KIF11: variants seen among roughly 807,000 people sequenced by gnomAD.
KIF11 encodes kinesin family member 11, also known as kinesin-like protein KIF11.
In KIF11, 9 loss-of-function variants were observed where a neutral mutation model predicts 121.0. The observed-to-expected ratio is 0.07, with a 90% CI of 0.04 to 0.13. KIF11 has a LOEUF of 0.13. Ranked by LOEUF, KIF11 falls within the 10% of genes least tolerant of loss-of-function variation. KIF11 has a pLI of 1.00. For synonymous variants in KIF11, 408 were observed against 421.0 expected, an observed-to-expected ratio of 0.97 and a Z score of 0.38; for missense variants, 846 against 1,217.5, an observed-to-expected ratio of 0.69 and a Z score of 4.54.
intron 1 of KIF11, chr10:92,597,079 C>T: frequency 2.7e-6 from 1 of 368,204 alleles, no homozygotes; most frequent in Non-Finnish European, 5.4e-6. Context: ...TTTCTTGATT[C>T]ACACTCCTGC....
chr10:92,639,278 G>A (rs1270627669), intron 16 of KIF11, among the ~76,000 whole-genome samples: 1 of 152,152 alleles, frequency 6.6e-6, no homozygotes, highest in Non-Finnish European at 1.5e-5. Context: ...AGTAAAGTTT[G>A]CTAATTATTT....
intron 1 of KIF11, among the ~76,000 whole-genome samples, chr10:92,598,134 C>G (rs1844321949): frequency 6.6e-6 from 1 of 152,004 alleles, no homozygotes. Flanking sequence ...TGTTTTTGTT[C>G]CCTGTATCTT....
chr10:92,601,822 A>G (rs773455920), intron 1 of KIF11, among the ~76,000 whole-genome samples: 4 of 151,872 alleles, frequency 2.6e-5, no homozygotes, highest in Non-Finnish European at 5.9e-5. Context: ...GATTACAGGC[A>G]TGAACCACTG....
In KIF11 at chr10:92,622,769, A is replaced by C. The variant is rs1387376330; in HGVS notation, c.1217+1296A>C. 4.6e-5 allele frequency among the ~76,000 whole-genome samples: 7 copies of C among 152,186 alleles called. No individual in the cohort carries two copies. The East Asian group carries it at 1.3e-3, about 29-fold the overall frequency. On this transcript the variant is annotated intron_variant, in intron 10 of 21. Transcript: ENST00000260731. ...CTGAGACTGGGTAATTTATAAAGAA[A>C]AGAGGTTTAATTGGCTCACAGTTCC...
At chr10:92,617,215 T>C (rs1265477859) in intron 9 of KIF11, among the ~76,000 whole-genome samples, 3 of 152,252 alleles carry the variant, frequency 2.0e-5, no homozygotes, top group Non-Finnish European at 4.4e-5. Context: ...AAATTTGTTA[T>C]CACTATCCAG....
chr10:92,620,613 C>G (rs947887409), intron 9 of KIF11, among the ~76,000 whole-genome samples: 6 of 152,112 alleles, frequency 3.9e-5, no homozygotes, highest in Non-Finnish European at 7.3e-5. Flanking sequence ...AAGACATACC[C>G]GAGACTGGGC....
At chr10:92,621,073 A>G (rs150829105) in intron 9 of KIF11, among the ~76,000 whole-genome samples, 30 of 152,332 alleles carry the variant, frequency 2.0e-4, no homozygotes, top group Non-Finnish European at 1.8e-4. Flanking sequence ...CAGTCCTGGA[A>G]TCAGATGCTT....
intron 21 of KIF11, among the ~76,000 whole-genome samples, chr10:92,651,549 A>G (rs1469534454): frequency 5.0e-5 from 1 of 19,988 alleles, no homozygotes; most frequent in Non-Finnish European, 1.5e-4. Context: ...TTTTTTTTTT[A>G]GTAGAGGGGG....
At chr10:92,644,046 T>C (rs1844895029) in intron 17 of KIF11, among the ~76,000 whole-genome samples, 1 of 152,178 alleles carries the variant, frequency 6.6e-6, no homozygotes, top group Non-Finnish European at 1.5e-5. Flanking sequence ...GGCCATTCCA[T>C]AGCCGTGGAG....
At chr10:92,632,786 A>G in intron 13 of KIF11, 93 bp downstream of exon 13, 1 of 684,894 alleles carries the variant, frequency 1.5e-6, no homozygotes, top group Non-Finnish European at 2.4e-6. Flanking sequence ...TGACGGTGTC[A>G]CCAATACTCT....
chr10:92,639,966 TTAAA>T (rs1844847412), intron 17 of KIF11, 66 bp downstream of exon 17: 2 of 832,362 alleles, frequency 2.4e-6, no homozygotes, highest in Admixed American at 2.3e-5. Flanking sequence ...AGAAAAAGCT[TTAAA>T]TAGTACAAAT....
chr10:92,597,182 A>G, intron 1 of KIF11: 1 of 271,476 alleles, frequency 3.7e-6, no homozygotes, highest in Non-Finnish European at 7.4e-6. Flanking sequence ...GGATCTGACA[A>G]TGTATTTGAC....
chr10:92,635,448 A>T (rs1452774139), intron 14 of KIF11, among the ~76,000 whole-genome samples: 1 of 152,214 alleles, frequency 6.6e-6, no homozygotes, highest in East Asian at 1.9e-4. Flanking sequence ...TATAAAGGTT[A>T]TGTTGACCAG....
rs573358022 is a variant in KIF11 at position 92,633,294 on chromosome 10, GT to G, written c.1703-319del. On this transcript the variant is annotated intron_variant, in intron 13 of 21. Coordinates refer to ENST00000260731, the MANE Select transcript of KIF11 (RefSeq NM_004523.4). ...CTATACTTTTTGGTATTGATTTCCA[GT>G]TTTTTTTTTCTTCTGTAAACTTACC... 4.1e-5 allele frequency among the ~76,000 whole-genome samples: 6 copies of G among 148,134 alleles called. No homozygotes were observed. In the East Asian group the frequency reaches 5.9e-4, roughly 15 times the overall value.
intron 16 of KIF11, among the ~76,000 whole-genome samples, chr10:92,639,295 T>A (rs1844839805): frequency 1.3e-5 from 2 of 152,176 alleles, no homozygotes; most frequent in African/African-American, 4.8e-5. Flanking sequence ...ATTTACTTTT[T>A]AAAAAATCCT....
Position 92,621,414 on chromosome 10 carries a change from A to G in KIF11, c.1158A>G (p.Lys386=). Reference sequence around the variant, plus strand: ...ATACGGAGGAGATAGAACGTTTAAAACGAGATCTTGCTGCAGCCCGTGAGA... The same window carrying G: ...ATACGGAGGAGATAGAACGTTTAAAGCGAGATCTTGCTGCAGCCCGTGAGA... ...KEYTEEIERL[K]RDLAAAREKN... The change falls in exon 10 of 22, where the codon AAA becomes AAG. Residue 386 remains lysine (K), a synonymous_variant. Transcript: ENST00000260731. The G allele has an allele frequency of 6.2e-7, 1 of 1,613,362 alleles. No individual in the cohort carries two copies. Among genetic ancestry groups the G allele is most frequent in the East Asian group, 2.2e-5 (1 of 44,858 alleles).
intron 16 of KIF11, among the ~76,000 whole-genome samples, chr10:92,638,339 C>G (rs907342730): frequency 1.3e-5 from 2 of 152,144 alleles, no homozygotes; most frequent in African/African-American, 4.8e-5. Context: ...TGTAGATCAT[C>G]TTGCAGAAGG....
chr10:92,622,859 A>G (rs1365172980), intron 10 of KIF11, among the ~76,000 whole-genome samples: 2 of 152,134 alleles, frequency 1.3e-5, no homozygotes, highest in African/African-American at 4.8e-5. Context: ...TAGAAGAGCT[A>G]AGGAGAAGCA....
At chr10:92,616,671 T>C in intron 8 of KIF11, 66 bp from the exon 9 acceptor site, 1 of 793,910 alleles carries the variant, frequency 1.3e-6, no homozygotes, top group Non-Finnish European at 2.1e-6. Context: ...TATAACATAT[T>C]TTAGATAACA....
Sources: gnomAD v4.1 joint callset for allele counts (sites outside exome capture counted in the v4.1 genomes callset) on GRCh38, gnomAD v4.1.1 for gene constraint, MANE v1.5 for transcripts, NCBI Gene and HGNC (gene_info 2026-07-23, HGNC 2026-07-21) for gene names.